Variants in GRID2 observed in about 807,000 individuals in gnomAD.
The protein encoded by GRID2 is glutamate ionotropic receptor delta type subunit 2, also known as glutamate receptor ionotropic, delta-2.
A neutral mutation model predicts 114.8 loss-of-function variants in GRID2; 33 were observed. The observed-to-expected ratio is 0.29, with a 90% CI of 0.22 to 0.38. The LOEUF is 0.38. Ranked by LOEUF, GRID2 falls within the 10% of genes least tolerant of loss-of-function variation. The probability of loss-of-function intolerance (pLI) is 1.00; values close to 1 mark genes in which losing one functional copy is unlikely to be tolerated. For synonymous variants in GRID2, 505 were observed against 449.9 expected (o/e 1.12, Z -1.55); for missense variants, 1,184 against 1,257.7 (o/e 0.94, Z 0.89).
At chr4:92,450,329 T>G (rs905951600) in intron 1 of GRID2, among the ~76,000 whole-genome samples, 2 of 152,052 alleles carry the variant, frequency 1.3e-5, no homozygotes, top group African/African-American at 2.4e-5. Context: ...ATAATGCCTT[T>G]AGGATTGCCA....
In GRID2 at chr4:93,120,826, A is replaced by C. The variant is rs566719354; in HGVS notation, c.735+9873A>C. Reference sequence around the variant, plus strand: ...AAATTAGCCGGGCATGGTGGCGGGCACCTGTAGTCCCAGCTACTCAGGAGG... The same window carrying C: ...AAATTAGCCGGGCATGGTGGCGGGCCCCTGTAGTCCCAGCTACTCAGGAGG... On this transcript the variant is annotated intron_variant, in intron 4 of 15. Transcript: ENST00000282020. Among the ~76,000 whole-genome samples the C allele has an allele frequency of 2.1e-3, 316 of 152,002 alleles. 2 individuals are homozygous for C. Among genetic ancestry groups the C allele is most frequent in the African/African-American group, 7.5e-3 (311 of 41,484 alleles).
chr4:93,268,895 G>C (rs1751134266), intron 8 of GRID2, among the ~76,000 whole-genome samples: 1 of 152,126 alleles, frequency 6.6e-6, no homozygotes, highest in African/African-American at 2.4e-5. Context: ...AATTATGTTA[G>C]ATTGATGGAG....
intron 15 of GRID2, among the ~76,000 whole-genome samples, chr4:93,770,692 T>G (rs1366319109): frequency 1.3e-5 from 2 of 152,224 alleles, no homozygotes; most frequent in Non-Finnish European, 2.9e-5. Context: ...TTGACATTGA[T>G]TCAATGCAAA....
At chr4:92,676,303 C>T (rs1028839790) in intron 2 of GRID2, among the ~76,000 whole-genome samples, 18 of 151,764 alleles carry the variant, frequency 1.2e-4, no homozygotes, top group Admixed American at 9.8e-4. Flanking sequence ...CCTCAGCCTC[C>T]CGAGTAGCTG....
At chr4:92,819,874 A>G (rs937017984) in intron 2 of GRID2, among the ~76,000 whole-genome samples, 1 of 152,170 alleles carries the variant, frequency 6.6e-6, no homozygotes, top group African/African-American at 2.4e-5. Context: ...AAGAGAAATG[A>G]TAAAAGTCTG....
intron 2 of GRID2, among the ~76,000 whole-genome samples, chr4:92,977,822 G>A (rs990592896): frequency 6.6e-6 from 1 of 152,156 alleles, no homozygotes; most frequent in Non-Finnish European, 1.5e-5. Context: ...TTTCTAGTCT[G>A]AGCAATTAGA....
chr4:93,519,781 G>A lies in GRID2; in HGVS notation c.2193+4370G>A, dbSNP rs928530233. Among the ~76,000 whole-genome samples, 13 of 152,254 alleles carry A rather than the reference G, an allele frequency of 8.5e-5. No individual in the cohort carries two copies. In the South Asian group the frequency reaches 1.0e-3, roughly 12 times the overall value. On this transcript the variant is annotated intron_variant, in intron 13 of 15. Coordinates refer to ENST00000282020, the MANE Select transcript of GRID2 (RefSeq NM_001510.4). ...TGGATACCATAGTAACAGGGAAGTCGGTGGTGGTGCCAGCACCAGCAGTAT... is the reference window on the plus strand; with the variant it reads ...TGGATACCATAGTAACAGGGAAGTCAGTGGTGGTGCCAGCACCAGCAGTAT...
At chr4:92,660,594 T>C (rs900538366) in intron 2 of GRID2, among the ~76,000 whole-genome samples, 5 of 151,306 alleles carry the variant, frequency 3.3e-5, no homozygotes, top group Admixed American at 2.0e-4. Context: ...GAAGGAACCA[T>C]ATGCACAATC....
chr4:93,601,864 T>C (rs1179659055), intron 13 of GRID2, among the ~76,000 whole-genome samples: 1 of 152,180 alleles, frequency 6.6e-6, no homozygotes, highest in African/African-American at 2.4e-5. Flanking sequence ...AACACTATTA[T>C]ATTACACCTT....
At chr4:93,484,821 A>G (rs909037697) in intron 11 of GRID2, among the ~76,000 whole-genome samples, 1 of 151,904 alleles carries the variant, frequency 6.6e-6, no homozygotes, top group African/African-American at 2.4e-5. Flanking sequence ...TAAAATATGT[A>G]AGGAGGTATC....
chr4:93,009,535 T>G (rs983998844), intron 2 of GRID2, among the ~76,000 whole-genome samples: 60 of 152,160 alleles, frequency 3.9e-4, no homozygotes, highest in Non-Finnish European at 8.1e-4. Context: ...TTTCATAATC[T>G]TCTTGATTTT....
At chr4:92,326,484 C>G (rs1008972554) in intron 1 of GRID2, among the ~76,000 whole-genome samples, 3 of 151,746 alleles carry the variant, frequency 2.0e-5, no homozygotes, top group Admixed American at 1.3e-4. Context: ...CCTACTTTAT[C>G]TGTTAGTAAA....
At chr4:92,808,159 G>A (rs1393841491) in intron 2 of GRID2, among the ~76,000 whole-genome samples, 2 of 151,882 alleles carry the variant, frequency 1.3e-5, no homozygotes, top group Non-Finnish European at 2.9e-5. Context: ...GAGGTATGCG[G>A]GTATCACTAG....
chr4:92,657,200 C>G (rs112557141), intron 2 of GRID2, among the ~76,000 whole-genome samples: 1,897 of 150,848 alleles, frequency 0.013, 38 homozygotes, highest in African/African-American at 0.042. Flanking sequence ...CAGGGCATCA[C>G]TTACTACTTT....
intron 8 of GRID2, among the ~76,000 whole-genome samples, chr4:93,310,464 G>A (rs1265016017): frequency 6.6e-6 from 1 of 152,130 alleles, no homozygotes; most frequent in Non-Finnish European, 1.5e-5. Flanking sequence ...CCGGGAGATG[G>A]AGGTTGCAGT....
intron 8 of GRID2, among the ~76,000 whole-genome samples, chr4:93,320,311 T>A (rs1757081851): frequency 6.6e-6 from 1 of 151,746 alleles, no homozygotes; most frequent in Non-Finnish European, 1.5e-5. Context: ...CATTAGAGAG[T>A]CATAAAAGAT....
At chr4:92,632,762 G>T (rs964220278) in intron 2 of GRID2, among the ~76,000 whole-genome samples, 1 of 151,666 alleles carries the variant, frequency 6.6e-6, no homozygotes, top group Non-Finnish European at 1.5e-5. Flanking sequence ...AGGGAAGGAA[G>T]AAGTGAAGGA....
At chr4:92,410,497 A>G (rs1426289946) in intron 1 of GRID2, among the ~76,000 whole-genome samples, 1 of 152,210 alleles carries the variant, frequency 6.6e-6, no homozygotes, top group African/African-American at 2.4e-5. Flanking sequence ...TTGGCAAGAT[A>G]AGATTGAACA....
intron 14 of GRID2, among the ~76,000 whole-genome samples, chr4:93,720,392 A>T (rs1022876625): frequency 6.6e-6 from 1 of 152,224 alleles, no homozygotes; most frequent in Non-Finnish European, 1.5e-5. Context: ...ATGCTAAAGC[A>T]TGTAGAGTTT....
Sources: allele counts gnomAD v4.1 joint callset (sites outside exome capture counted in the v4.1 genomes callset), GRCh38; gene constraint gnomAD v4.1.1; transcripts MANE v1.5; gene names NCBI Gene and HGNC (gene_info 2026-07-23, HGNC 2026-07-21).